NCOA7: variants seen among roughly 807,000 people sequenced by gnomAD.
NCOA7 encodes the protein 140 kDa estrogen receptor-associated protein.
In NCOA7, 45 loss-of-function variants were observed where a neutral mutation model predicts 104.3. That is an observed-to-expected ratio of 0.43 (90% CI 0.34 to 0.55). The LOEUF (loss-of-function observed/expected upper bound fraction) is 0.55. Among genes scored for constraint, NCOA7 ranks in the 20% least tolerant of loss-of-function variants. The probability of loss-of-function intolerance (pLI) is 0.02; values close to 1 mark genes in which losing one functional copy is unlikely to be tolerated. For missense variants in NCOA7, 1,041 were observed against 1,119.7 expected (o/e 0.93, Z 1.00); for synonymous variants, 398 against 402.3 (o/e 0.99, Z 0.13).
chr6:125,917,352 A>G (rs1378414504), intron 11 of NCOA7, among the ~76,000 whole-genome samples: 3 of 151,788 alleles, frequency 2.0e-5, no homozygotes, highest in Non-Finnish European at 2.9e-5. Context: ...CTTCCTCATC[A>G]CTGCTTTCCT....
At chr6:125,813,464 T>TC (rs1777257273) in intron 1 of NCOA7, among the ~76,000 whole-genome samples, 1 of 151,908 alleles carries the variant, frequency 6.6e-6, no homozygotes, top group African/African-American at 2.4e-5. Context: ...TTTTTTTTTT[T>TC]TTTTTAGACG....
intron 15 of NCOA7, 37 bp from the exon 16 acceptor site, chr6:125,928,599 G>C (rs2128704576): frequency 6.4e-7 from 1 of 1,571,926 alleles, no homozygotes; most frequent in East Asian, 2.2e-5. Flanking sequence ...TAACATAGAA[G>C]TGTTTTTACC....
intron 11 of NCOA7, chr6:125,919,451 G>T: frequency 6.2e-7 from 1 of 1,611,054 alleles, no homozygotes; most frequent in Non-Finnish European, 8.5e-7. Flanking sequence ...AGTGCGTCCC[G>T]AGGGCTAATA....
At chr6:125,867,366 A>C (rs999561933) in intron 3 of NCOA7, among the ~76,000 whole-genome samples, 4 of 152,326 alleles carry the variant, frequency 2.6e-5, no homozygotes, top group Admixed American at 6.5e-5. Context: ...ATAAACCATA[A>C]ATTGATATTG....
chr6:125,782,358 T>C (rs1042216129), intron 1 of NCOA7, among the ~76,000 whole-genome samples: 10 of 152,240 alleles, frequency 6.6e-5, no homozygotes, highest in African/African-American at 1.9e-4. Flanking sequence ...TGCTTTATCA[T>C]ACATACTAAA....
At chr6:125,919,664 AAC>A (rs3831011) in intron 11 of NCOA7, among the ~76,000 whole-genome samples, 23,102 of 152,102 alleles carry the variant, frequency 0.15, 1,884 homozygotes, top group East Asian at 0.23. Context: ...ACTTGTGATA[AAC>A]ACAGAGTTTG....
intron 1 of NCOA7, among the ~76,000 whole-genome samples, chr6:125,798,829 G>A (rs889710243): frequency 6.6e-6 from 1 of 151,920 alleles, no homozygotes; most frequent in African/African-American, 2.4e-5. Context: ...TGTATCATCC[G>A]ATTTTTATAT....
chr6:125,851,890 C>CTT (rs376908015), intron 2 of NCOA7, among the ~76,000 whole-genome samples: 20 of 146,518 alleles, frequency 1.4e-4, no homozygotes, highest in Non-Finnish European at 2.3e-4. Context: ...CATTGTATAT[C>CTT]TTTTTTTTTT....
Position 125,811,054 on chromosome 6 carries a change from G to A in NCOA7, c.-64-4237G>A, listed in dbSNP as rs1776957105. The stretch of plus-strand genomic sequence containing the variant: ...TTGCTGTAACTTAATTTTTATTCAT[G>A]ACTGGAAATTTAATAGAAATCATTG... On this transcript the variant is annotated intron_variant, in intron 1 of 15. Transcript: ENST00000392477. 2.0e-5 allele frequency among the ~76,000 whole-genome samples: 3 copies of A among 152,064 alleles called. No homozygotes were observed. The South Asian group carries it at 6.2e-4, about 32-fold the overall frequency.
At chr6:125,788,921 T>C (rs1774605967), upstream of NCOA7, among the ~76,000 whole-genome samples, 1 of 152,060 alleles carries the variant, frequency 6.6e-6, no homozygotes, top group Admixed American at 6.6e-5. Context: ...AATAAAAACA[T>C]CACTGCTTAA....
At chr6:125,868,983 T>C (rs1162320063) in intron 3 of NCOA7, among the ~76,000 whole-genome samples, 2 of 152,180 alleles carry the variant, frequency 1.3e-5, no homozygotes, top group African/African-American at 4.8e-5. Context: ...GGTCCTGATA[T>C]AATTTAAAAA....
At chr6:125,850,198 G>A (rs1781000618) in intron 2 of NCOA7, among the ~76,000 whole-genome samples, 1 of 152,086 alleles carries the variant, frequency 6.6e-6, no homozygotes, top group Non-Finnish European at 1.5e-5. Context: ...CTCTATACTT[G>A]GAAGGAAGGA....
intron 2 of NCOA7, among the ~76,000 whole-genome samples, chr6:125,830,277 C>T (rs1583317631): frequency 6.6e-6 from 1 of 152,278 alleles, no homozygotes; most frequent in East Asian, 1.9e-4. Context: ...GGATGAGTAT[C>T]GTACCTTTCC....
chr6:125,850,966 G>T (rs1176823211), intron 2 of NCOA7, among the ~76,000 whole-genome samples: 1 of 152,096 alleles, frequency 6.6e-6, no homozygotes, highest in East Asian at 1.9e-4. Context: ...TTTATTAGGG[G>T]CATTATCTGA....
chr6:125,905,401 C>G (rs1316574967), intron 10 of NCOA7, among the ~76,000 whole-genome samples: 1 of 151,836 alleles, frequency 6.6e-6, no homozygotes, highest in East Asian at 1.9e-4. Flanking sequence ...GGATTACAGA[C>G]CCCTGTAATG....
chr6:125,927,230 A>C (rs1788111357), intron 13 of NCOA7, among the ~76,000 whole-genome samples: 1 of 152,124 alleles, frequency 6.6e-6, no homozygotes, highest in African/African-American at 2.4e-5. Context: ...CCCAGCCATG[A>C]CTCCACTTAT....
chr6:125,866,850 T>A (rs1372608496), intron 3 of NCOA7, among the ~76,000 whole-genome samples: 1 of 152,158 alleles, frequency 6.6e-6, no homozygotes, highest in East Asian at 1.9e-4. Context: ...TACCCTCACT[T>A]CTCTTTGAAA....
At chr6:125,830,691 A>C (rs1779088362) in intron 2 of NCOA7, among the ~76,000 whole-genome samples, 1 of 151,372 alleles carries the variant, frequency 6.6e-6, no homozygotes, top group Admixed American at 6.6e-5. Context: ...TGGGTGACAA[A>C]GTGAGGCCCT....
chr6:125,889,509 A>T lies in NCOA7; in HGVS notation c.1455A>T (p.Glu485Asp). The change falls in exon 9 of 16, where the codon GAA becomes GAT. Residue 485 changes from glutamate to aspartate, a missense_variant. This residue lies in a region of NCOA7 where 914 missense variants were observed against 942.7 expected (regional missense o/e 0.97). Coordinates refer to ENST00000392477, the MANE Select transcript of NCOA7 (RefSeq NM_181782.5). ...AACTGAAGGGGGCGCTAGATTTAGA[A>T]ACCTGTGAGAAGCAAGATATAATGC... The part of the protein sequence containing the change: ...DVELKGALDL[E>D]TCEKQDIMPE... 2 of 1,614,102 alleles carry T rather than the reference A, an allele frequency of 1.2e-6. No homozygotes were observed. The highest frequency in any genetic ancestry group is 1.7e-6 in the Non-Finnish European group (2 of 1,179,992).
Sources: allele counts gnomAD v4.1 joint callset (sites outside exome capture counted in the v4.1 genomes callset), GRCh38; gene constraint gnomAD v4.1.1; regional missense constraint gnomAD v4.1.1; transcripts MANE v1.5; gene names NCBI Gene and HGNC (gene_info 2026-07-23, HGNC 2026-07-21).